The following PXDNL variants were observed in gnomAD, a reference collection of about 807,000 sequenced individuals.
PXDNL encodes the protein probable oxidoreductase PXDNL.
PXDNL carries 145 observed loss-of-function variants against 150.8 expected under a neutral mutation model. The ratio of observed to expected loss-of-function variants is 0.96; its 90% confidence interval spans 0.84 to 1.10. The LOEUF is 1.10. PXDNL is among the 50% of genes least tolerant of loss of function. The probability of loss-of-function intolerance (pLI) is 0.00; values close to 1 mark genes in which losing one functional copy is unlikely to be tolerated. For synonymous variants in PXDNL, 757 were observed against 725.7 expected, an observed-to-expected ratio of 1.04 and a Z score of -0.69; for missense variants, 2,087 against 1,873.9, an observed-to-expected ratio of 1.11 and a Z score of -2.10.
intron 21 of PXDNL, among the ~76,000 whole-genome samples, chr8:51,327,437 TTTCTTATTA>T (rs1478327634): frequency 1.8e-4 from 28 of 152,314 alleles, no homozygotes; most frequent in African/African-American, 5.5e-4. Context: ...TTAGAAGAGC[TTTCTTATTA>T]ACCAATTCAT....
intron 1 of PXDNL, among the ~76,000 whole-genome samples, chr8:51,675,645 T>C (rs1436652929): frequency 6.6e-6 from 1 of 151,570 alleles, no homozygotes; most frequent in African/African-American, 2.4e-5. Context: ...ATACAAAAAT[T>C]AGCTGGGTGC....
chr8:51,613,243 T>A (rs1814055537), intron 2 of PXDNL, among the ~76,000 whole-genome samples: 1 of 151,646 alleles, frequency 6.6e-6, no homozygotes, highest in African/African-American at 2.4e-5. Flanking sequence ...GCCAGAGGGA[T>A]GTGAAGATGT....
At chr8:51,441,048 G>A (rs1291387789) in intron 12 of PXDNL, among the ~76,000 whole-genome samples, 1 of 152,168 alleles carries the variant, frequency 6.6e-6, no homozygotes, top group Admixed American at 6.5e-5. Flanking sequence ...TAATTCCCAC[G>A]TGTCAAGGGC....
intron 19 of PXDNL, among the ~76,000 whole-genome samples, chr8:51,359,758 TA>T (rs1228752993): frequency 6.6e-6 from 1 of 151,938 alleles, no homozygotes; most frequent in Non-Finnish European, 1.5e-5. Flanking sequence ...GGAATCCCAT[TA>T]AAAAAGCATT....
At chr8:51,493,058 C>T (rs889303445) in intron 5 of PXDNL, among the ~76,000 whole-genome samples, 6 of 152,154 alleles carry the variant, frequency 3.9e-5, no homozygotes, top group South Asian at 2.1e-4. Context: ...ACAACTCACA[C>T]GGCCAGGTAC....
At chr8:51,321,180 T>G in intron 21 of PXDNL, 1 of 277,852 alleles carries the variant, frequency 3.6e-6, no homozygotes, top group South Asian at 1.6e-4. Context: ...TAAAATCAAA[T>G]GAATGAAATT....
Position 51,795,402 on chromosome 8 carries a change from C to T in PXDNL, c.164+13779G>A, listed in dbSNP as rs535601255. Among the ~76,000 whole-genome samples the T allele has an allele frequency of 8.7e-4, 132 of 152,292 alleles. No homozygotes were observed. In the South Asian group the frequency reaches 0.014, roughly 16 times the overall value. Reference sequence around the variant, plus strand: ...ATCAATCACATAATTGGAAGTAAAACGCTCCACAGCAAATGCAAAATAACT... The same window carrying T: ...ATCAATCACATAATTGGAAGTAAAATGCTCCACAGCAAATGCAAAATAACT... On this transcript the variant is annotated intron_variant, in intron 1 of 22. Coordinates refer to ENST00000356297, the MANE Select transcript of PXDNL (RefSeq NM_144651.5).
chr8:51,771,495 C>T (rs1321992184), intron 1 of PXDNL, among the ~76,000 whole-genome samples: 2 of 152,184 alleles, frequency 1.3e-5, no homozygotes, highest in African/African-American at 4.8e-5. Context: ...ACGGATGGCT[C>T]CTGACCCTGC....
chr8:51,611,013 G>A (rs1300947473), intron 2 of PXDNL, among the ~76,000 whole-genome samples: 1 of 152,190 alleles, frequency 6.6e-6, no homozygotes, highest in African/African-American at 2.4e-5. Flanking sequence ...TGAGTGACAT[G>A]AGTGATGCCC....
At chr8:51,580,078 G>A (rs935963356) in intron 3 of PXDNL, among the ~76,000 whole-genome samples, 1 of 151,850 alleles carries the variant, frequency 6.6e-6, no homozygotes, top group Admixed American at 6.6e-5. Context: ...TATATTTTAT[G>A]TTTCCATTTA....
At chr8:51,432,980 G>T (rs1045269309) in intron 12 of PXDNL, among the ~76,000 whole-genome samples, 3 of 152,086 alleles carry the variant, frequency 2.0e-5, no homozygotes, top group Non-Finnish European at 2.9e-5. Context: ...GGCCAAGGCG[G>T]GTGGGGAACA....
intron 9 of PXDNL, among the ~76,000 whole-genome samples, chr8:51,456,420 T>G (rs1195985812): frequency 1.3e-5 from 2 of 152,220 alleles, no homozygotes; most frequent in African/African-American, 2.4e-5. Flanking sequence ...TGGGAAGACC[T>G]GAATGAATGC....
chr8:51,759,934 G>A (rs1034579381), intron 1 of PXDNL, among the ~76,000 whole-genome samples: 4 of 152,146 alleles, frequency 2.6e-5, no homozygotes, highest in Non-Finnish European at 5.9e-5. Context: ...CGCCCCAAAA[G>A]TTCAGGTGCT....
At chr8:51,364,143 G>GCCTT (rs1806839414) in intron 19 of PXDNL, among the ~76,000 whole-genome samples, 1 of 152,198 alleles carries the variant, frequency 6.6e-6, no homozygotes, top group South Asian at 2.1e-4. Flanking sequence ...ATGCTGCAAA[G>GCCTT]CCTTAATGCA....
At chr8:51,729,756 C>T (rs1816882247) in intron 1 of PXDNL, among the ~76,000 whole-genome samples, 1 of 152,084 alleles carries the variant, frequency 6.6e-6, no homozygotes, top group African/African-American at 2.4e-5. Flanking sequence ...TGTCTTTCAT[C>T]AGGTGAATGG....
intron 1 of PXDNL, among the ~76,000 whole-genome samples, chr8:51,710,699 CT>C (rs1816480711): frequency 6.6e-6 from 1 of 152,180 alleles, no homozygotes; most frequent in Non-Finnish European, 1.5e-5. Context: ...AAGTATTTGT[CT>C]TTCTGTGCCT....
At chr8:51,361,285 C>G (rs1418960464) in intron 19 of PXDNL, among the ~76,000 whole-genome samples, 1 of 152,050 alleles carries the variant, frequency 6.6e-6, no homozygotes, top group Non-Finnish European at 1.5e-5. Context: ...TATGTCTGAC[C>G]CAGTCAGACA....
chr8:51,563,076 G>A (rs1486994927), intron 3 of PXDNL, among the ~76,000 whole-genome samples: 1 of 151,940 alleles, frequency 6.6e-6, no homozygotes, highest in Non-Finnish European at 1.5e-5. Flanking sequence ...CACAGAATGA[G>A]AATGATCACA....
Position 51,409,357 on chromosome 8 carries a change from G to T in PXDNL, c.2267C>A (p.Ala756Asp), listed in dbSNP as rs550046007. 1.3e-6 allele frequency: 2 copies of T among 1,551,638 alleles called. No homozygotes were observed. The highest frequency in any genetic ancestry group is 1.7e-6 in the Non-Finnish European group (2 of 1,153,896). The change falls in exon 17 of 23, where the codon GCC becomes GAC. Residue 756 changes from alanine (A) to aspartate (D), a missense_variant. Transcript: ENST00000356297. ...LTAFARLLQP[A>D]YRDGIRAPRG... ...GGGCGCGCGGATGCCGTCCCGGTAG[G>T]CTGGCTGCAGCAGGCGCGCGAAGGC...
Sources: allele counts gnomAD v4.1 joint callset (sites outside exome capture counted in the v4.1 genomes callset), GRCh38; gene constraint gnomAD v4.1.1; transcripts MANE v1.5; gene names NCBI Gene and HGNC (gene_info 2026-07-23, HGNC 2026-07-21).